The following PIBF1 variants were observed in gnomAD, a reference collection of about 807,000 sequenced individuals.
PIBF1 encodes progesterone immunomodulatory binding factor 1.
Under a neutral mutation model 112.5 loss-of-function variants are expected in PIBF1, and 90 were observed. The ratio of observed to expected loss-of-function variants is 0.80; its 90% CI spans 0.67 to 0.95. The LOEUF (loss-of-function observed/expected upper bound fraction) is 0.95, where lower values mean the gene tolerates loss of function less well. Among genes scored for constraint, PIBF1 ranks in the 40% least tolerant of loss-of-function variants. PIBF1 has a pLI of 0.00. For synonymous variants in PIBF1, 301 were observed against 288.6 expected, an observed-to-expected ratio of 1.04 and a Z score of -0.44; for missense variants, 915 against 852.3, an observed-to-expected ratio of 1.07 and a Z score of -0.92.
rs948109300 is a variant in PIBF1 at position 72,973,980 on chromosome 13, T to G, written c.2049+305T>G. Reference sequence around the variant, plus strand: ...TAATTTCCTTAGTGTGCCTCTCGTCTTCTTTATCAATGTATGCCCAGTGCC... The same window carrying G: ...TAATTTCCTTAGTGTGCCTCTCGTCGTCTTTATCAATGTATGCCCAGTGCC... On this transcript the variant is annotated intron_variant, in intron 16 of 17. Transcript: ENST00000326291. 3.8e-5 allele frequency: 14 copies of G among 371,488 alleles called. No individual in the cohort carries two copies. In the Admixed American group the frequency reaches 4.2e-4, roughly 11 times the overall value. 23.0% of individuals were successfully genotyped at this position (371,488 alleles called of 1,614,324 possible). A position where few individuals can be genotyped will look rare whatever the true frequency, so the allele number is the denominator to read the frequency against.
chr13:72,944,801 C>T (rs1292479833), intron 14 of PIBF1, among the ~76,000 whole-genome samples: 1 of 152,088 alleles, frequency 6.6e-6, no homozygotes, highest in South Asian at 2.1e-4. Context: ...GAGTCTTACT[C>T]TCTTGCCCAG....
Position 72,827,745 on chromosome 13 carries a change from G to T in PIBF1, c.928G>T (p.Glu310Ter). Residue 310 changes from glutamate to a stop codon, truncating the protein, a stop_gained, in exon 8 of 18, where the codon GAG becomes TAG. Transcript: ENST00000326291. LOFTEE classifies it high-confidence loss of function. ...SELSKEVVTLEQTVTLLQKDK... is the reference protein window; with the variant it reads ...SELSKEVVTL ...TACATGTATGTAGGTAGTCACCTTA[G>T]AGCAAACTGTTACTTTACTGCAAAA... 1 of 1,583,464 alleles carries T rather than the reference G, an allele frequency of 6.3e-7. No homozygotes were observed. The highest frequency in any genetic ancestry group is 1.2e-5 in the South Asian group (1 of 84,062).
chr13:72,994,798 CT>C (rs2043595103), intron 16 of PIBF1, among the ~76,000 whole-genome samples: 1 of 152,188 alleles, frequency 6.6e-6, no homozygotes, highest in Admixed American at 6.5e-5. Flanking sequence ...CAAAGGATTT[CT>C]CTTCGTAGTG....
At chr13:72,816,612 G>T (rs1416605576) in intron 5 of PIBF1, among the ~76,000 whole-genome samples, 2 of 149,180 alleles carry the variant, frequency 1.3e-5, no homozygotes, top group Non-Finnish European at 3.0e-5. Context: ...AGTGAGCCAA[G>T]ATTGCACCAC....
At chr13:72,853,357 A>G (rs1408278196) in intron 9 of PIBF1, among the ~76,000 whole-genome samples, 1 of 152,150 alleles carries the variant, frequency 6.6e-6, no homozygotes, top group Non-Finnish European at 1.5e-5. Context: ...CCTTCATCTC[A>G]GATCTACTTA....
intron 10 of PIBF1, among the ~76,000 whole-genome samples, chr13:72,876,946 T>C (rs1422395796): frequency 6.6e-6 from 1 of 152,164 alleles, no homozygotes; most frequent in East Asian, 1.9e-4. Context: ...ACTTCGAATA[T>C]GATGTTGAAA....
intron 3 of PIBF1, 56 bp downstream of exon 3, chr13:72,792,603 T>C (rs2034990824): frequency 9.4e-6 from 8 of 855,486 alleles, no homozygotes; most frequent in Non-Finnish European, 1.5e-5. Context: ...TTAAAAGTAA[T>C]TTTATTGCCT....
At chr13:72,923,591 A>G (rs937007951) in intron 13 of PIBF1, among the ~76,000 whole-genome samples, 1 of 152,218 alleles carries the variant, frequency 6.6e-6, no homozygotes, top group African/African-American at 2.4e-5. Context: ...CTTTCTTGAG[A>G]AATTCAGTAC....
intron 10 of PIBF1, among the ~76,000 whole-genome samples, chr13:72,878,713 A>G (rs1233123011): frequency 1.3e-5 from 2 of 152,160 alleles, no homozygotes; most frequent in East Asian, 3.9e-4. Flanking sequence ...CATTTCTAAT[A>G]CTAGCGTGTT....
chr13:72,944,154 T>A (rs908351521), intron 14 of PIBF1, among the ~76,000 whole-genome samples: 2 of 151,770 alleles, frequency 1.3e-5, no homozygotes, highest in Non-Finnish European at 2.9e-5. Flanking sequence ...TATATAGGAG[T>A]ATTCAGAATA....
At chr13:72,817,989 A>G (rs1487508576) in intron 5 of PIBF1, among the ~76,000 whole-genome samples, 1 of 152,152 alleles carries the variant, frequency 6.6e-6, no homozygotes, top group Non-Finnish European at 1.5e-5. Flanking sequence ...GAATATGTGC[A>G]TTCTTATACT....
chr13:72,979,829 G>A (rs1178235043), intron 16 of PIBF1, among the ~76,000 whole-genome samples: 1 of 152,194 alleles, frequency 6.6e-6, no homozygotes, highest in Non-Finnish European at 1.5e-5. Flanking sequence ...GGCTGAGGCA[G>A]GAGAATGGCA....
chr13:72,897,508 A>G (rs1231011167), intron 11 of PIBF1, among the ~76,000 whole-genome samples: 1 of 152,180 alleles, frequency 6.6e-6, no homozygotes, highest in East Asian at 1.9e-4. Flanking sequence ...TGCTCCACTT[A>G]AAAAAGGTGC....
At chr13:72,852,345 C>T (rs1440358442) in intron 9 of PIBF1, among the ~76,000 whole-genome samples, 2 of 152,188 alleles carry the variant, frequency 1.3e-5, no homozygotes, top group Non-Finnish European at 2.9e-5. Flanking sequence ...CCTGTCCAGT[C>T]GCAGCCTCAC....
At chr13:72,839,493 A>G (rs2138229299) in intron 9 of PIBF1, among the ~76,000 whole-genome samples, 1 of 152,362 alleles carries the variant, frequency 6.6e-6, no homozygotes, top group Non-Finnish European at 1.5e-5. Flanking sequence ...CTCAAGAGAA[A>G]GATCTGGGAA....
chr13:72,847,873 T>C (rs1429136441), intron 9 of PIBF1, among the ~76,000 whole-genome samples: 2 of 152,206 alleles, frequency 1.3e-5, no homozygotes, highest in Non-Finnish European at 2.9e-5. Flanking sequence ...GCATCAGATA[T>C]GGAAATGAGC....
intron 5 of PIBF1, among the ~76,000 whole-genome samples, chr13:72,817,688 G>C (rs907885699): frequency 2.0e-4 from 31 of 152,152 alleles, no homozygotes; most frequent in African/African-American, 7.5e-4. Context: ...CTAGGTTATT[G>C]CTGGAGCTTA....
rs2035273819 is a variant in PIBF1 at position 72,797,895 on chromosome 13, A to G, written c.553-12A>G. 15 of 1,575,308 alleles carry G rather than the reference A, an allele frequency of 9.5e-6. No homozygotes were observed. Among genetic ancestry groups the G allele is most frequent in the Non-Finnish European group, 1.3e-5 (15 of 1,165,776 alleles). ...GGATTTAAGACTGCTTATTAATTTA[A>G]TTTTTTTCAAGGTTCGCTTCTATGA... On this transcript the variant is annotated splice_polypyrimidine_tract_variant and intron_variant, in intron 4 of 17. Coordinates refer to ENST00000326291, the MANE Select transcript of PIBF1 (RefSeq NM_006346.4).
At chr13:72,960,791 A>AGTTTTATTT (rs1317791891) in intron 14 of PIBF1, among the ~76,000 whole-genome samples, 4 of 152,212 alleles carry the variant, frequency 2.6e-5, no homozygotes, top group African/African-American at 9.6e-5. Context: ...AGTAGAACTT[A>AGTTTTATTT]GTTTTATTTT....
Sources: gnomAD v4.1 joint callset for allele counts (sites outside exome capture counted in the v4.1 genomes callset) on GRCh38, gnomAD v4.1.1 for gene constraint, MANE v1.5 for transcripts, NCBI Gene and HGNC (gene_info 2026-07-23, HGNC 2026-07-21) for gene names.